Variants in SLC71A1 observed in about 807,000 individuals in gnomAD.
The protein encoded by SLC71A1 is solute carrier family 71 member 1.
At chr1:100,062,689 A>T in the SLC71A1 span, among the ~76,000 whole-genome samples, 1 of 152,196 alleles carries the variant, frequency 6.6e-6, no homozygotes, top group Non-Finnish European at 1.5e-5. Flanking sequence ...ATTAGTTTTA[A>T]AAGGGACTGA....
the SLC71A1 span, among the ~76,000 whole-genome samples, chr1:100,047,245 T>C: frequency 4.6e-5 from 7 of 152,206 alleles, no homozygotes; most frequent in African/African-American, 1.4e-4. Flanking sequence ...ATACCATTTT[T>C]GAGAGTTTTT....
chr1:100,059,144 G>GTTTTTTTTTTTTTTTTTTTTTTTTT, the SLC71A1 span, among the ~76,000 whole-genome samples: 17 of 75,428 alleles, frequency 2.3e-4, 4 homozygotes, highest in African/African-American at 8.3e-4. Context: ...TCTTTTTCGT[G>GTTTTTTTTTTTTTTTTTTTTTTTTT]TTTTTTTTTT....
chr1:100,071,289 C>CAAAAAAAAAAAAAA, the SLC71A1 span, among the ~76,000 whole-genome samples: 33 of 53,392 alleles, frequency 6.2e-4, 1 homozygote, highest in African/African-American at 7.6e-4. Context: ...CCATCTCTAC[C>CAAAAAAAAAAAAAA]AAAAAAAAAA....
the SLC71A1 span, chr1:100,069,734 A>T: frequency 8.4e-7 from 1 of 1,197,226 alleles, no homozygotes; most frequent in Non-Finnish European, 1.2e-6. Context: ...CTGGCTGGCC[A>T]TCCAAACTGG....
At chr1:100,060,065 G>A in the SLC71A1 span, 1 of 1,445,360 alleles carries the variant, frequency 6.9e-7, no homozygotes, top group Non-Finnish European at 9.3e-7. Flanking sequence ...TTTTCTTAAT[G>A]TTCCTTTATT....
chr1:100,063,226 T>C, the SLC71A1 span, among the ~76,000 whole-genome samples: 1 of 152,236 alleles, frequency 6.6e-6, no homozygotes, highest in South Asian at 2.1e-4. Flanking sequence ...TTAACAATTT[T>C]CAATCTGGAG....
the SLC71A1 span, chr1:100,080,576 A>G: frequency 1.2e-6 from 2 of 1,614,042 alleles, no homozygotes; most frequent in Non-Finnish European, 1.7e-6. Context: ...CATTTTCTAC[A>G]TATTCCATGT....
the SLC71A1 span, among the ~76,000 whole-genome samples, chr1:100,048,202 T>TTC: frequency 6.6e-6 from 1 of 150,738 alleles, no homozygotes; most frequent in Non-Finnish European, 1.5e-5. Context: ...TTTTTTTTTT[T>TTC]TTCAGAGTCT....
chr1:100,043,570 T>A, the SLC71A1 span, among the ~76,000 whole-genome samples: 11 of 152,226 alleles, frequency 7.2e-5, no homozygotes, highest in Admixed American at 4.6e-4. Flanking sequence ...AAATTTATTA[T>A]TTTTTAAAAT....
At chr1:100,066,988 C>CAAA in the SLC71A1 span, among the ~76,000 whole-genome samples, 363 of 68,604 alleles carry the variant, frequency 5.3e-3, 12 homozygotes, top group African/African-American at 0.016. Flanking sequence ...GACTCCGTCT[C>CAAA]AAAAAAAAAA....
At chr1:100,054,181 A>G in the SLC71A1 span, among the ~76,000 whole-genome samples, 1 of 151,178 alleles carries the variant, frequency 6.6e-6, no homozygotes, top group Admixed American at 6.6e-5. Context: ...AGCTGGAATT[A>G]CAGGTGCATG....
At chr1:100,048,399 C>T in the SLC71A1 span, among the ~76,000 whole-genome samples, 11 of 152,042 alleles carry the variant, frequency 7.2e-5, no homozygotes, top group African/African-American at 2.7e-4. Flanking sequence ...AGGCTGGTCT[C>T]GAACTCTTGA....
At chr1:100,078,807 C>A in the SLC71A1 span, 1 of 299,400 alleles carries the variant, frequency 3.3e-6, no homozygotes, top group Non-Finnish European at 6.2e-6. Flanking sequence ...TGGTGGCTCA[C>A]ACCTGTAATC....
the SLC71A1 span, chr1:100,043,058 C>T: frequency 4.1e-6 from 4 of 981,738 alleles, no homozygotes; most frequent in Non-Finnish European, 3.6e-6. Context: ...AATTAATATG[C>T]AGTTTTTTTT....
the SLC71A1 span, chr1:100,078,796 A>G: frequency 3.0e-6 from 1 of 329,874 alleles, no homozygotes; most frequent in Non-Finnish European, 5.5e-6. Flanking sequence ...GAGGCTGGGC[A>G]TGGTGGCTCA....
the SLC71A1 span, chr1:100,077,365 T>TA: frequency 2.8e-6 from 2 of 707,994 alleles, no homozygotes; most frequent in South Asian, 3.3e-5. Context: ...GGGTAGACTG[T>TA]AATCTGTCTC....
the SLC71A1 span, among the ~76,000 whole-genome samples, chr1:100,052,566 G>A: frequency 6.6e-6 from 1 of 151,148 alleles, no homozygotes; most frequent in African/African-American, 2.4e-5. Context: ...CAAGTAGCTG[G>A]GACTACAGGC....
the SLC71A1 span, among the ~76,000 whole-genome samples, chr1:100,070,796 T>A: frequency 5.9e-5 from 9 of 152,134 alleles, no homozygotes; most frequent in African/African-American, 1.9e-4. Context: ...AAGTTAATAC[T>A]TTTTCTCACC....
chr1:100,038,150 C>T, the SLC71A1 span: 5 of 1,236,562 alleles, frequency 4.0e-6, no homozygotes, highest in Non-Finnish European at 5.8e-6. Flanking sequence ...CTCGGCCCGG[C>T]AGTAGTGGTG....
Sources: gnomAD v4.1 joint callset for allele counts (sites outside exome capture counted in the v4.1 genomes callset) on GRCh38, gnomAD v4.1.1 for gene constraint, MANE v1.5 for transcripts, NCBI Gene and HGNC (gene_info 2026-07-23, HGNC 2026-07-21) for gene names.